The following KLF7 variants were observed in gnomAD, a reference collection of about 807,000 sequenced individuals.
The protein encoded by KLF7 is KLF transcription factor 7.
KLF7 carries 2 observed loss-of-function variants against 27.3 expected under a neutral mutation model. The ratio of observed to expected loss-of-function variants is 0.07; its 90% CI spans 0.03 to 0.23. The LOEUF is 0.23. Ranked by LOEUF, KLF7 falls within the 10% of genes least tolerant of loss-of-function variation. The pLI is 1.00. For missense variants in KLF7, 221 were observed against 394.1 expected (o/e 0.56, Z 3.72); for synonymous variants, 165 against 162.4 (o/e 1.02, Z -0.12).
upstream of KLF7, among the ~76,000 whole-genome samples, chr2:207,171,882 C>T (rs1234016752): frequency 1.3e-5 from 2 of 152,084 alleles, no homozygotes. Context: ...GCAATATTTT[C>T]ATAGTATGCC....
intron 1 of KLF7, among the ~76,000 whole-genome samples, chr2:207,148,649 T>C (rs1438727681): frequency 6.6e-6 from 1 of 152,194 alleles, no homozygotes; most frequent in East Asian, 1.9e-4. Context: ...CTAGCTTCTC[T>C]TGAAAAACCA....
intron 3 of KLF7, among the ~76,000 whole-genome samples, chr2:207,086,374 G>A (rs953437406): frequency 1.3e-5 from 2 of 152,178 alleles, no homozygotes; most frequent in African/African-American, 4.8e-5. Context: ...ACGCCAAGGT[G>A]CTGCCTGTCA....
At chr2:207,159,217 T>C (rs911217723) in intron 1 of KLF7, among the ~76,000 whole-genome samples, 1 of 152,246 alleles carries the variant, frequency 6.6e-6, no homozygotes, top group Admixed American at 6.5e-5. Context: ...GGCACAGACA[T>C]GGGCACTGTT....
intron 3 of KLF7, among the ~76,000 whole-genome samples, chr2:207,085,806 TG>T (rs1488930741): frequency 6.6e-6 from 1 of 152,154 alleles, no homozygotes; most frequent in Non-Finnish European, 1.5e-5. Context: ...CAGGGAGTGA[TG>T]GGAACAGTGG....
intron 2 of KLF7, among the ~76,000 whole-genome samples, chr2:207,112,155 T>C (rs189569916): frequency 2.0e-4 from 15 of 76,348 alleles, no homozygotes; most frequent in Non-Finnish European, 3.9e-4. Context: ...AAATGGCTAA[T>C]TCATTTAATG....
intron 2 of KLF7, among the ~76,000 whole-genome samples, chr2:207,107,341 C>T (rs2105924846): frequency 6.6e-6 from 1 of 152,256 alleles, no homozygotes; most frequent in Non-Finnish European, 1.5e-5. Context: ...ACAAAGGACG[C>T]CTCTGACACA....
At chr2:207,150,586 G>C (rs2078215179) in intron 1 of KLF7, among the ~76,000 whole-genome samples, 2 of 152,312 alleles carry the variant, frequency 1.3e-5, no homozygotes, top group South Asian at 4.1e-4. Context: ...CATTTGATTA[G>C]AGCAATCCTA....
chr2:207,098,035 C>T (rs938146397), intron 2 of KLF7, among the ~76,000 whole-genome samples: 4 of 152,142 alleles, frequency 2.6e-5, no homozygotes, highest in African/African-American at 9.7e-5. Flanking sequence ...ACCTCAACAA[C>T]ACTTATACCT....
At chr2:207,107,182 C>G (rs1393967022) in intron 2 of KLF7, among the ~76,000 whole-genome samples, 1 of 152,198 alleles carries the variant, frequency 6.6e-6, no homozygotes, top group Non-Finnish European at 1.5e-5. Flanking sequence ...TGACAAATCT[C>G]AAGAAAGACT....
upstream of KLF7, among the ~76,000 whole-genome samples, chr2:207,169,130 TGCCTCCAAATC>T (rs1206194277): frequency 3.3e-5 from 5 of 152,198 alleles, no homozygotes; most frequent in Non-Finnish European, 5.9e-5. Flanking sequence ...AATACAGGTC[TGCCTCCAAATC>T]GACTCCAAAA....
intron 1 of KLF7, among the ~76,000 whole-genome samples, chr2:207,149,472 C>G (rs2078183822): frequency 6.6e-6 from 1 of 152,234 alleles, no homozygotes; most frequent in South Asian, 2.1e-4. Flanking sequence ...CCTGTGCTCA[C>G]ACTCTGCTCA....
chr2:207,165,448 A>G lies in KLF7; in HGVS notation c.102+19T>C. ...CCGCCGCCACCACACGATTTACACA[A>G]GTAATTTAAATCATTCACCTGCTGC... On this transcript the variant is annotated intron_variant, in intron 1 of 3. Coordinates refer to ENST00000309446, the MANE Select transcript of KLF7 (RefSeq NM_003709.4). 6.2e-7 allele frequency: 1 copy of G among 1,614,054 alleles called. No homozygotes were observed. The highest frequency in any genetic ancestry group is 8.5e-7 in the Non-Finnish European group (1 of 1,179,980).
At chr2:207,160,223 C>T (rs577076574) in intron 1 of KLF7, among the ~76,000 whole-genome samples, 8 of 152,150 alleles carry the variant, frequency 5.3e-5, no homozygotes, top group South Asian at 2.1e-4. Flanking sequence ...TAAAACATTC[C>T]GCCCCCCTAC....
intron 3 of KLF7, among the ~76,000 whole-genome samples, chr2:207,085,166 A>G (rs907865083): frequency 6.9e-5 from 5 of 72,386 alleles, no homozygotes; most frequent in Non-Finnish European, 1.4e-4. Context: ...TCTCAAATGA[A>G]AAAAAAAAAA....
intron 1 of KLF7, among the ~76,000 whole-genome samples, chr2:207,146,465 G>A (rs555943771): frequency 1.3e-5 from 2 of 152,162 alleles, no homozygotes; most frequent in Admixed American, 6.5e-5. Flanking sequence ...GCTGCTTCCC[G>A]TCTTGCTTTC....
upstream of KLF7, chr2:207,166,922 C>G (rs911504808): frequency 3.1e-6 from 3 of 982,080 alleles, no homozygotes; most frequent in Admixed American, 1.5e-4. Context: ...GCGCACAGTC[C>G]CCGCCCCGCC....
chr2:207,167,180 G>T, upstream of KLF7: 1 of 1,414,304 alleles, frequency 7.1e-7, no homozygotes, highest in South Asian at 1.5e-5. Flanking sequence ...CTTCGATGGT[G>T]AGAGGAGGAA....
the KLF7 span, among the ~76,000 whole-genome samples, chr2:207,172,989 TG>T: frequency 7.2e-4 from 91 of 125,526 alleles, 1 homozygote; most frequent in African/African-American, 3.1e-3. Context: ...AATATTTTTG[TG>T]TACTGACTTT....
rs1326972604 is a variant in KLF7, at chr2:207,075,144, A to C, written c.*6069T>G. The C allele has an allele frequency of 3.3e-5, 5 of 152,192 alleles. No homozygotes were observed. Among genetic ancestry groups the C allele is most frequent in the African/African-American group, 1.2e-4 (5 of 41,444 alleles). 9.4% of individuals were successfully genotyped at this position (152,192 alleles called of 1,614,324 possible). ...ACACATATTACATTCTTAAATAAAA[A>C]TGCGTCACATAACATTTTTTGCATA... On this transcript the variant is annotated 3_prime_UTR_variant, in exon 4 of 4. Coordinates refer to ENST00000309446, the MANE Select transcript of KLF7 (RefSeq NM_003709.4).
Sources: allele counts gnomAD v4.1 joint callset (sites outside exome capture counted in the v4.1 genomes callset), GRCh38; gene constraint gnomAD v4.1.1; transcripts MANE v1.5; gene names NCBI Gene and HGNC (gene_info 2026-07-23, HGNC 2026-07-21).